The following CAPN5 variants were observed in gnomAD, a reference collection of about 807,000 sequenced individuals.
The protein encoded by CAPN5 is calpain-5.
Under a neutral mutation model 73.0 loss-of-function variants are expected in CAPN5, and 54 were observed. That is an observed-to-expected ratio of 0.74 (90% confidence interval 0.59 to 0.93). CAPN5 has a LOEUF of 0.93. Among genes scored for constraint, CAPN5 ranks in the 40% least tolerant of loss-of-function variants. The pLI is 0.00. For missense variants in CAPN5, 785 were observed against 882.9 expected, an observed-to-expected ratio of 0.89 and a Z score of 1.41; for synonymous variants, 335 against 356.9, an observed-to-expected ratio of 0.94 and a Z score of 0.69.
chr11:77,110,126 T>G (rs1565273775), intron 3 of CAPN5, among the ~76,000 whole-genome samples: 1 of 151,996 alleles, frequency 6.6e-6, no homozygotes, highest in Non-Finnish European at 1.5e-5. Flanking sequence ...TCTTTTTTTT[T>G]TTTTTGAGAC....
At chr11:77,068,313 T>C (rs1347088956) in intron 1 of CAPN5, among the ~76,000 whole-genome samples, 2 of 152,192 alleles carry the variant, frequency 1.3e-5, no homozygotes, top group South Asian at 4.1e-4. Flanking sequence ...AGGCGGGGTC[T>C]TTGCCCTGAG....
intron 3 of CAPN5, among the ~76,000 whole-genome samples, chr11:77,108,709 C>T (rs1046160057): frequency 6.6e-5 from 10 of 150,968 alleles, no homozygotes; most frequent in Non-Finnish European, 1.3e-4. Flanking sequence ...TAAATATTTC[C>T]GGATGCATCT....
chr11:77,102,778 T>C (rs1950299244), intron 3 of CAPN5: 1 of 1,463,322 alleles, frequency 6.8e-7, no homozygotes, highest in Non-Finnish European at 9.0e-7. Context: ...GCCTCTTCTC[T>C]CCACGGCCCC....
intron 6 of CAPN5, 123 bp from the exon 7 acceptor site, chr11:77,116,103 C>T (rs1950465498): frequency 1.2e-6 from 1 of 854,544 alleles, no homozygotes; most frequent in Non-Finnish European, 1.9e-6. Flanking sequence ...CCCCTGGCCA[C>T]ACCGTGCCGC....
At chr11:77,109,828 C>T (rs1459335670) in intron 3 of CAPN5, among the ~76,000 whole-genome samples, 3 of 152,192 alleles carry the variant, frequency 2.0e-5, no homozygotes, top group Non-Finnish European at 2.9e-5. Context: ...GCCTCATTAG[C>T]AGCTTCTTGA....
chr11:77,099,707 T>TGGGGAG (rs1422934224), intron 3 of CAPN5, among the ~76,000 whole-genome samples: 3 of 71,662 alleles, frequency 4.2e-5, no homozygotes, highest in Non-Finnish European at 8.4e-5. Flanking sequence ...AGGGAGACCG[T>TGGGGAG]GGGGAGAGGG....
At chr11:77,067,670 T>TGTGTGTGTGTGTGTGTGC (rs1565251294) in intron 1 of CAPN5, among the ~76,000 whole-genome samples, 1 of 141,678 alleles carries the variant, frequency 7.1e-6, no homozygotes, top group East Asian at 2.1e-4. Flanking sequence ...TGTGTGTGTG[T>TGTGTGTGTGTGTGTGTGC]TGCGGGAGTG....
chr11:77,115,338 C>G, intron 5 of CAPN5, 57 bp from the exon 6 acceptor site: 1 of 1,455,394 alleles, frequency 6.9e-7, no homozygotes. Context: ...GCACCTGAGT[C>G]CCTGGTCTGG....
Position 77,125,514 on chromosome 11 carries a change from GT to G in CAPN5, c.*1645del, listed in dbSNP as rs1290784688. 1 of 152,156 alleles carries G rather than the reference GT, an allele frequency of 6.6e-6. No homozygotes were observed. The highest frequency in any genetic ancestry group is 1.5e-5 in the Non-Finnish European group (1 of 68,008). The allele number at this position is 152,156 out of a possible 1,614,324, so 9.4% of individuals were successfully genotyped here. A position where few individuals can be genotyped will look rare whatever the true frequency, so the allele number is the denominator to read the frequency against. ...TGCCTCGATTTCCCCCTTCTACAAA[GT>G]GGGGCCAATGATTCTTGTGTGTCAG... On this transcript the variant is annotated 3_prime_UTR_variant, in exon 13 of 13. Transcript: ENST00000648180.
rs1043418 is a variant in CAPN5, at chr11:77,125,304, T to C, written c.*1434T>C. ...TGGCTGGAGGTGCTGGATTCTCTGA[T>C]TTTGCCTCCTCACTCTGTGTCTGGC... On this transcript the variant is annotated 3_prime_UTR_variant, in exon 13 of 13. Transcript: ENST00000648180. The C allele has an allele frequency of 0.44, 66,804 of 152,578 alleles. 15,163 individuals carry two copies. Among genetic ancestry groups the C allele is most frequent in the East Asian group, 0.57 (2,924 of 5,156 alleles). 9.5% of individuals were successfully genotyped at this position (152,578 alleles called of 1,614,324 possible).
intron 3 of CAPN5, among the ~76,000 whole-genome samples, chr11:77,105,653 C>T (rs1479574677): frequency 2.6e-5 from 4 of 152,176 alleles, no homozygotes; most frequent in African/African-American, 9.7e-5. Context: ...CAGGCAGCTC[C>T]CAACCCCCTC....
chr11:77,074,260 G>A (rs1949943801), intron 1 of CAPN5, among the ~76,000 whole-genome samples: 1 of 152,140 alleles, frequency 6.6e-6, no homozygotes, highest in Non-Finnish European at 1.5e-5. Flanking sequence ...ATCAGCATCT[G>A]ACCTTTAGTC....
At chr11:77,105,118 G>A (rs577023427) in intron 3 of CAPN5, among the ~76,000 whole-genome samples, 2 of 151,634 alleles carry the variant, frequency 1.3e-5, no homozygotes, top group South Asian at 2.1e-4. Context: ...TCTTAGTCCC[G>A]ACTGCCTGTC....
At chr11:77,090,408 T>C (rs1555036295) in intron 2 of CAPN5, among the ~76,000 whole-genome samples, 1 of 152,208 alleles carries the variant, frequency 6.6e-6, no homozygotes, top group Admixed American at 6.5e-5. Flanking sequence ...GCCAGAGCCC[T>C]GATCTGGGGC....
intron 1 of CAPN5, among the ~76,000 whole-genome samples, chr11:77,084,271 G>T (rs1276676195): frequency 6.6e-6 from 1 of 151,660 alleles, no homozygotes; most frequent in Non-Finnish European, 1.5e-5. Flanking sequence ...TGGAGGGAGG[G>T]TTAAGGAGCC....
intron 3 of CAPN5, among the ~76,000 whole-genome samples, chr11:77,102,313 G>A (rs782508535): frequency 6.6e-6 from 1 of 152,128 alleles, no homozygotes; most frequent in African/African-American, 2.4e-5. Context: ...TGAGAGGGAG[G>A]CGGGCGTCAG....
At chr11:77,110,897 T>TGGTTCCTCCGCCTGGGTGCCCCC (rs1950404279) in intron 3 of CAPN5, among the ~76,000 whole-genome samples, 1 of 152,174 alleles carries the variant, frequency 6.6e-6, no homozygotes, top group Non-Finnish European at 1.5e-5. Flanking sequence ...GGTGTGCCTC[T>TGGTTCCTCCGCCTGGGTGCCCCC]GGTTCCTCCG....
intron 3 of CAPN5, among the ~76,000 whole-genome samples, chr11:77,102,133 G>T (rs1950291613): frequency 6.6e-6 from 1 of 152,200 alleles, no homozygotes; most frequent in Non-Finnish European, 1.5e-5. Flanking sequence ...AGCAATCTGT[G>T]TGTTAAGTCC....
intron 1 of CAPN5, among the ~76,000 whole-genome samples, chr11:77,084,187 G>T (rs1950057214): frequency 6.6e-6 from 1 of 152,216 alleles, no homozygotes; most frequent in Non-Finnish European, 1.5e-5. Flanking sequence ...TCCAGTCTGT[G>T]TCCCTTGCAC....
Sources: gnomAD v4.1 joint callset for allele counts (sites outside exome capture counted in the v4.1 genomes callset) on GRCh38, gnomAD v4.1.1 for gene constraint, MANE v1.5 for transcripts, NCBI Gene and HGNC (gene_info 2026-07-23, HGNC 2026-07-21) for gene names.